Variants in IHO1 observed in about 807,000 individuals in gnomAD.
IHO1 encodes the protein interactor of HORMAD1 1, also known as interactor of HORMAD1 protein 1.
In IHO1, 13 loss-of-function variants were observed where a neutral mutation model predicts 31.0. The observed-to-expected ratio is 0.42, with a 90% CI of 0.27 to 0.67. The LOEUF (loss-of-function observed/expected upper bound fraction) is 0.67, where lower values mean the gene tolerates loss of function less well. Among genes scored for constraint, IHO1 ranks in the 30% least tolerant of loss-of-function variants. The probability of loss-of-function intolerance (pLI) is 0.24; values close to 1 mark genes in which losing one functional copy is unlikely to be tolerated. For synonymous variants in IHO1, 221 were observed against 248.4 expected, an observed-to-expected ratio of 0.89 and a Z score of 1.04; for missense variants, 599 against 687.5, an observed-to-expected ratio of 0.87 and a Z score of 1.44.
chr3:49,208,734 C>T (rs1336561436), intron 1 of IHO1, among the ~76,000 whole-genome samples: 1 of 152,154 alleles, frequency 6.6e-6, no homozygotes, highest in Non-Finnish European at 1.5e-5. Flanking sequence ...AACTTGCTTA[C>T]TTTGCTCCTA....
At chr3:49,222,606 T>C (rs960182554) in intron 2 of IHO1, among the ~76,000 whole-genome samples, 8 of 152,188 alleles carry the variant, frequency 5.3e-5, no homozygotes, top group Non-Finnish European at 1.2e-4. Flanking sequence ...TTAATAATAT[T>C]ATGAAATAGT....
At chr3:49,209,918 G>C (rs921968310) in intron 1 of IHO1, among the ~76,000 whole-genome samples, 5 of 151,438 alleles carry the variant, frequency 3.3e-5, no homozygotes, top group Non-Finnish European at 7.4e-5. Context: ...GGGTTTCACC[G>C]TGTTAACCAG....
At position 49,231,764 on chromosome 3, in the gene IHO1, A is replaced by G. The variant is rs143043593; in HGVS notation, c.57-4784A>G. 4.1e-4 allele frequency among the ~76,000 whole-genome samples: 63 copies of G among 152,352 alleles called. No homozygotes were observed. The East Asian group carries it at 0.011, about 27-fold the overall frequency. On this transcript the variant is annotated intron_variant, in intron 2 of 7. Coordinates refer to ENST00000452691, the MANE Select transcript of IHO1 (RefSeq NM_001135197.2). ...GGCTGATTGCCTAGTTGCTACTGCA[A>G]TATCTAATGCCAAACATTTTCACAA...
intron 2 of IHO1, among the ~76,000 whole-genome samples, chr3:49,216,704 G>T (rs778910748): frequency 2.0e-5 from 3 of 152,040 alleles, no homozygotes; most frequent in Non-Finnish European, 4.4e-5. Flanking sequence ...GAGTGAACAG[G>T]CACCCTACGG....
At chr3:49,205,721 T>A (rs2046127478) in intron 1 of IHO1, among the ~76,000 whole-genome samples, 1 of 150,498 alleles carries the variant, frequency 6.6e-6, no homozygotes, top group Non-Finnish European at 1.5e-5. Context: ...TGCGTCAGCC[T>A]CCTGAGTAGC....
Position 49,223,449 on chromosome 3 carries a change from T to C in IHO1, c.56+11613T>C, listed in dbSNP as rs949922006. ...GCTTATGCCTGTAATCCCAGCACTT[T>C]GGGAGACCGAGGCGGGCGGATCACG... On this transcript the variant is annotated intron_variant, in intron 2 of 7. Transcript: ENST00000452691. 2.6e-5 allele frequency among the ~76,000 whole-genome samples: 4 copies of C among 152,256 alleles called. No individual in the cohort carries two copies. In the East Asian group the frequency reaches 7.7e-4, roughly 29 times the overall value.
chr3:49,257,398 C>A lies in IHO1; in HGVS notation c.*116C>A. The A allele has an allele frequency of 9.6e-7, 1 of 1,039,068 alleles. No individual in the cohort carries two copies. The highest frequency in any genetic ancestry group is 1.4e-6 in the Non-Finnish European group (1 of 703,024). The allele number at this position is 1,039,068 out of a possible 1,614,324, so 64.4% of individuals were successfully genotyped here. On this transcript the variant is annotated 3_prime_UTR_variant, in exon 8 of 8. Transcript: ENST00000452691. Reference sequence around the variant, plus strand: ...CAAGTACCCAGGGTCAGAGGCCCTGCTGAGGTGGGGCAATGAGCACGAGGG... The same window carrying A: ...CAAGTACCCAGGGTCAGAGGCCCTGATGAGGTGGGGCAATGAGCACGAGGG...
chr3:49,193,501 A>G (rs2045976776), upstream of IHO1, among the ~76,000 whole-genome samples: 1 of 151,798 alleles, frequency 6.6e-6, no homozygotes, highest in Non-Finnish European at 1.5e-5. Context: ...GATCAAGACC[A>G]GCCTGGCCAA....
In IHO1 at chr3:49,236,712, A is replaced by C. The variant is rs377693895; in HGVS notation, c.221A>C (p.Asn74Thr). Residue 74 changes from asparagine to threonine, a missense_variant, in exon 3 of 8, where the codon AAC becomes ACC. Asn to Thr is a moderately conservative substitution (Grantham distance 65). Coordinates refer to ENST00000452691, the MANE Select transcript of IHO1 (RefSeq NM_001135197.2). ...HLRHSKQSQQ[N>T]YLEGEPSIFT... is the part of the protein sequence containing the mutation. ...AGACATTCAAAACAGTCACAACAGA[A>C]CTATCTGGAGGTGAGTCTGGTTTCC... 9.3e-6 allele frequency: 15 copies of C among 1,612,866 alleles called. No homozygotes were observed. The African/African-American group carries it at 1.9e-4, about 20-fold the overall frequency.
At chr3:49,219,441 A>T (rs1207167745) in intron 2 of IHO1, among the ~76,000 whole-genome samples, 1 of 152,206 alleles carries the variant, frequency 6.6e-6, no homozygotes, top group African/African-American at 2.4e-5. Flanking sequence ...CGTAAGGAAT[A>T]CTTTTAGTTA....
chr3:49,233,087 C>T, intron 2 of IHO1, among the ~76,000 whole-genome samples: 1 of 152,158 alleles, frequency 6.6e-6, no homozygotes, highest in East Asian at 1.9e-4. Flanking sequence ...GTAACGATTC[C>T]TGTGGAATCG....
Position 49,227,224 on chromosome 3 carries a change from G to A in IHO1, c.57-9324G>A, listed in dbSNP as rs191054017. On this transcript the variant is annotated intron_variant, in intron 2 of 7. Coordinates refer to ENST00000452691, the MANE Select transcript of IHO1 (RefSeq NM_001135197.2). ...TTGTAATTTATACTTCCCTCAGATG[G>A]CCATTTTTCCCCATCAGAGAATATC... 3.3e-5 allele frequency among the ~76,000 whole-genome samples: 5 copies of A among 152,212 alleles called. No individual in the cohort carries two copies. The East Asian group carries it at 9.6e-4, about 29-fold the overall frequency.
rs1284223922 is a variant in IHO1, at chr3:49,218,304, C to A, written c.56+6468C>A. On this transcript the variant is annotated intron_variant, in intron 2 of 7. Coordinates refer to ENST00000452691, the MANE Select transcript of IHO1 (RefSeq NM_001135197.2). ...CTGGGTGCCAGCATGCCCACCATGTCAAGCCATGTTGAGCTGAGCCAAGCC... is the reference window on the plus strand; with the variant it reads ...CTGGGTGCCAGCATGCCCACCATGTAAAGCCATGTTGAGCTGAGCCAAGCC... Among the ~76,000 whole-genome samples the A allele has an allele frequency of 2.0e-5, 3 of 151,082 alleles. No homozygotes were observed. In the East Asian group the frequency reaches 5.9e-4, roughly 29 times the overall value.
intron 1 of IHO1, among the ~76,000 whole-genome samples, chr3:49,206,487 C>T (rs985932095): frequency 1.3e-5 from 2 of 152,166 alleles, no homozygotes; most frequent in Non-Finnish European, 2.9e-5. Flanking sequence ...ACCTCGGCCT[C>T]CCAAAGTGCT....
intron 2 of IHO1, among the ~76,000 whole-genome samples, chr3:49,213,513 C>T (rs559899875): frequency 6.6e-6 from 1 of 152,358 alleles, no homozygotes; most frequent in South Asian, 2.1e-4. Context: ...GCGGAGCTGC[C>T]TGCCAGTCCC....
intron 2 of IHO1, among the ~76,000 whole-genome samples, chr3:49,226,860 A>C (rs2107706903): frequency 6.6e-6 from 1 of 152,306 alleles, no homozygotes; most frequent in South Asian, 2.1e-4. Flanking sequence ...TAAATCAGAG[A>C]GGGAGAAGTG....
intron 6 of IHO1, among the ~76,000 whole-genome samples, chr3:49,251,727 G>A (rs928618611): frequency 2.0e-5 from 3 of 151,754 alleles, no homozygotes; most frequent in South Asian, 2.1e-4. Context: ...TCAGCCTCCC[G>A]AGTAGCTGGG....
chr3:49,209,935 C>G (rs2046186711), intron 1 of IHO1, among the ~76,000 whole-genome samples: 1 of 151,608 alleles, frequency 6.6e-6, no homozygotes. Flanking sequence ...CCAGGATAGT[C>G]TCGATCTCCT....
intron 1 of IHO1, among the ~76,000 whole-genome samples, chr3:49,202,704 C>T (rs190786468): frequency 5.5e-4 from 83 of 151,758 alleles, no homozygotes; most frequent in Admixed American, 2.1e-3. Context: ...CAGATAGAGT[C>T]TCGCTCTCTC....
Sources: gnomAD v4.1 joint callset for allele counts (sites outside exome capture counted in the v4.1 genomes callset) on GRCh38, gnomAD v4.1.1 for gene constraint, MANE v1.5 for transcripts, NCBI Gene and HGNC (gene_info 2026-07-23, HGNC 2026-07-21) for gene names.